FTO: variants seen among roughly 807,000 people sequenced by gnomAD.
FTO encodes the protein FTO alpha-ketoglutarate dependent dioxygenase.
FTO carries 47 observed loss-of-function variants against 63.9 expected under a neutral mutation model. The ratio of observed to expected loss-of-function variants is 0.74; its 90% CI spans 0.58 to 0.94. The LOEUF is 0.94. Ranked by LOEUF, FTO falls within the 40% of genes least tolerant of loss-of-function variation. The probability of loss-of-function intolerance (pLI) is 0.00; values close to 1 mark genes in which losing one functional copy is unlikely to be tolerated. For synonymous variants in FTO, 207 were observed against 224.4 expected, an observed-to-expected ratio of 0.92 and a Z score of 0.69; for missense variants, 562 against 618.1, an observed-to-expected ratio of 0.91 and a Z score of 0.96.
At chr16:53,915,797 C>T (rs375058278) in intron 7 of FTO, among the ~76,000 whole-genome samples, 1 of 152,256 alleles carries the variant, frequency 6.6e-6, no homozygotes. Context: ...CACTGGTTTT[C>T]GACAACAGTT....
chr16:53,943,019 C>G (rs528866036), intron 8 of FTO, among the ~76,000 whole-genome samples: 5 of 152,214 alleles, frequency 3.3e-5, no homozygotes, highest in African/African-American at 1.2e-4. Context: ...AGTTGCCATC[C>G]GGGTCTTTTT....
chr16:53,810,082 A>G, intron 1 of FTO, 58 bp from the exon 2 acceptor site: 2 of 1,118,296 alleles, frequency 1.8e-6, no homozygotes, highest in Non-Finnish European at 2.7e-6. Context: ...AAAATAAGAG[A>G]GTGTCTTACT....
At chr16:53,893,125 A>G (rs2081194532) in intron 7 of FTO, among the ~76,000 whole-genome samples, 1 of 152,168 alleles carries the variant, frequency 6.6e-6, no homozygotes, top group African/African-American at 2.4e-5. Flanking sequence ...ATAAAATATC[A>G]CATTTTCCCT....
chr16:53,729,798 A>G (rs1598506888), intron 1 of FTO, among the ~76,000 whole-genome samples: 1 of 152,128 alleles, frequency 6.6e-6, no homozygotes. Context: ...AGAATGATGT[A>G]TCTTTCAACA....
intron 7 of FTO, among the ~76,000 whole-genome samples, chr16:53,893,444 A>G (rs999646575): frequency 1.3e-5 from 2 of 152,178 alleles, no homozygotes; most frequent in Admixed American, 1.3e-4. Flanking sequence ...AGAAATATGA[A>G]AAGCTGAAGT....
intron 8 of FTO, among the ~76,000 whole-genome samples, chr16:53,949,232 C>T (rs1230008980): frequency 6.6e-6 from 1 of 152,170 alleles, no homozygotes; most frequent in Non-Finnish European, 1.5e-5. Flanking sequence ...CATGGGGGAA[C>T]CCAGCTGTTC....
rs918534203 is a variant in FTO, at chr16:53,825,721, T to G, written c.124-143T>G. ...TTTTATTTGGTTTTCTGTTTTGGGC[T>G]AGGAAGATGTGACTCCTATTTAGAA... On this transcript the variant is annotated intron_variant, in intron 2 of 8. Coordinates refer to ENST00000471389, the MANE Select transcript of FTO (RefSeq NM_001080432.3). 92 of 865,936 alleles carry G rather than the reference T, an allele frequency of 1.1e-4. 1 individual carries two copies. In the Middle Eastern group the frequency reaches 2.1e-3, roughly 20 times the overall value. 53.6% of individuals were successfully genotyped at this position (865,936 alleles called of 1,614,324 possible).
At chr16:54,074,411 G>A (rs989064905) in intron 8 of FTO, among the ~76,000 whole-genome samples, 1 of 152,116 alleles carries the variant, frequency 6.6e-6, no homozygotes. Context: ...ATTTGAGCCT[G>A]TTGCCTCCCA....
At chr16:53,967,574 G>A (rs1016616003) in intron 8 of FTO, among the ~76,000 whole-genome samples, 7 of 152,148 alleles carry the variant, frequency 4.6e-5, no homozygotes, top group African/African-American at 9.7e-5. Context: ...AGTGAAATTA[G>A]CATATGTTAC....
chr16:53,881,215 T>A (rs893854614), intron 6 of FTO, among the ~76,000 whole-genome samples: 5 of 152,116 alleles, frequency 3.3e-5, no homozygotes, highest in Non-Finnish European at 7.4e-5. Context: ...TCTCCCAGCT[T>A]CTGTTTCTAT....
intron 5 of FTO, among the ~76,000 whole-genome samples, chr16:53,879,505 G>A (rs989081586): frequency 6.6e-6 from 1 of 151,938 alleles, no homozygotes; most frequent in Non-Finnish European, 1.5e-5. Context: ...GCAAGATCCT[G>A]TCTCTCTCTA....
In FTO at chr16:54,117,311, A is replaced by G. The variant is rs1447031510; in HGVS notation, c.*5396A>G. ...GGGCTTCAGTGAGGTACTAGCTATT[A>G]TTATTAACCAAGTTTCCTGTGGTAA... On this transcript the variant is annotated 3_prime_UTR_variant, in exon 9 of 9. Transcript: ENST00000471389. 6.6e-6 allele frequency: 1 copy of G among 152,192 alleles called. No individual in the cohort carries two copies. The highest frequency in any genetic ancestry group is 2.4e-5 in the African/African-American group (1 of 41,440). The allele number at this position is 152,192 out of a possible 1,614,324, so 9.4% of individuals were successfully genotyped here. A position where few individuals can be genotyped will look rare whatever the true frequency, so the allele number is the denominator to read the frequency against.
At chr16:53,737,717 A>T (rs1354295407) in intron 1 of FTO, among the ~76,000 whole-genome samples, 1 of 152,138 alleles carries the variant, frequency 6.6e-6, no homozygotes, top group Non-Finnish European at 1.5e-5. Flanking sequence ...CTTGGGAAAC[A>T]TGTTTATTGG....
chr16:53,790,018 T>G (rs1248614601), intron 1 of FTO, among the ~76,000 whole-genome samples: 1 of 149,696 alleles, frequency 6.7e-6, no homozygotes, highest in Non-Finnish European at 1.5e-5. Flanking sequence ...TATAGTTATA[T>G]ATACACATAA....
At chr16:53,882,796 C>A (rs1807870339) in intron 6 of FTO, among the ~76,000 whole-genome samples, 4 of 152,298 alleles carry the variant, frequency 2.6e-5, no homozygotes, top group Admixed American at 1.3e-4. Context: ...CATATAATAT[C>A]TTTTCAATGC....
At chr16:53,868,807 C>T (rs1309686292) in intron 4 of FTO, among the ~76,000 whole-genome samples, 2 of 151,982 alleles carry the variant, frequency 1.3e-5, no homozygotes, top group Admixed American at 1.3e-4. Context: ...TTGTCTGAAA[C>T]ATTTTTTTAA....
intron 3 of FTO, among the ~76,000 whole-genome samples, chr16:53,837,374 C>G (rs1261213709): frequency 6.6e-6 from 1 of 152,174 alleles, no homozygotes; most frequent in Non-Finnish European, 1.5e-5. Context: ...AATATTTCAC[C>G]TGAAATCCTA....
At chr16:53,822,656 A>G (rs572542758) in intron 2 of FTO, among the ~76,000 whole-genome samples, 18 of 152,290 alleles carry the variant, frequency 1.2e-4, no homozygotes, top group Non-Finnish European at 1.8e-4. Context: ...TGTCTGTTTT[A>G]TAATAATATT....
intron 8 of FTO, chr16:54,063,804 G>C (rs1347797445): frequency 6.6e-6 from 1 of 151,384 alleles, no homozygotes; most frequent in Admixed American, 6.6e-5. Context: ...ATGCAGCGTA[G>C]CAGGAGCTGG....
Sources: gnomAD v4.1 joint callset for allele counts (sites outside exome capture counted in the v4.1 genomes callset) on GRCh38, gnomAD v4.1.1 for gene constraint, MANE v1.5 for transcripts, NCBI Gene and HGNC (gene_info 2026-07-23, HGNC 2026-07-21) for gene names.